PGM5: variants seen among roughly 807,000 people sequenced by gnomAD.
The protein encoded by PGM5 is phosphoglucomutase-like protein 5.
A neutral mutation model predicts 59.2 loss-of-function variants in PGM5; 23 were observed. That is an observed-to-expected ratio of 0.39 (90% CI 0.28 to 0.55). The LOEUF is 0.55. Among genes scored for constraint, PGM5 ranks in the 20% least tolerant of loss-of-function variants. The pLI, the probability that PGM5 is intolerant of heterozygous loss-of-function variation, is 0.66. For synonymous variants in PGM5, 214 were observed against 286.0 expected (o/e 0.75, Z 2.54); for missense variants, 574 against 748.3 (o/e 0.77, Z 2.72).
intron 9 of PGM5, among the ~76,000 whole-genome samples, chr9:68,486,876 T>G (rs943716161): frequency 5.3e-5 from 8 of 152,202 alleles, no homozygotes; most frequent in Non-Finnish European, 1.2e-4. Flanking sequence ...ATTGCACCAC[T>G]TGACATTCCT....
At chr9:68,399,594 G>A (rs1330924756) in intron 6 of PGM5, among the ~76,000 whole-genome samples, 2 of 150,100 alleles carry the variant, frequency 1.3e-5, no homozygotes, top group South Asian at 2.1e-4. Flanking sequence ...AGAAATTTGG[G>A]AGTTTCCTTT....
chr9:68,466,270 G>GTTTTTT, intron 7 of PGM5: 3 of 558,464 alleles, frequency 5.4e-6, no homozygotes, highest in Non-Finnish European at 4.6e-6. Context: ...GATACTGTGT[G>GTTTTTT]TTTTTTTTTT....
At chr9:68,499,922 G>T (rs1824544716) in intron 10 of PGM5, among the ~76,000 whole-genome samples, 1 of 152,170 alleles carries the variant, frequency 6.6e-6, no homozygotes, top group Non-Finnish European at 1.5e-5. Context: ...GGCTAATTAA[G>T]AACTCAGAAA....
intron 2 of PGM5, among the ~76,000 whole-genome samples, chr9:68,383,623 C>T (rs563175351): frequency 2.0e-5 from 3 of 150,044 alleles, no homozygotes; most frequent in Non-Finnish European, 4.4e-5. Context: ...ATACAGAAAG[C>T]TATCTATACA....
chr9:68,363,271 C>T (rs1281467042), intron 1 of PGM5, among the ~76,000 whole-genome samples: 1 of 152,298 alleles, frequency 6.6e-6, no homozygotes, highest in Non-Finnish European at 1.5e-5. Flanking sequence ...CTGTAATCTG[C>T]ATTGTCCCAG....
chr9:68,511,545 CTTTTTTTTTTT>C (rs3064033), intron 10 of PGM5, among the ~76,000 whole-genome samples: 1 of 62,728 alleles, frequency 1.6e-5, no homozygotes, highest in Non-Finnish European at 2.8e-5. Flanking sequence ...TTGTTTTTGC[CTTTTTTTTTTT>C]TTTTTTTTTT....
chr9:68,366,044 T>C (rs1459246154), intron 1 of PGM5, among the ~76,000 whole-genome samples: 2 of 152,058 alleles, frequency 1.3e-5, no homozygotes, highest in Non-Finnish European at 2.9e-5. Flanking sequence ...AAAGATGAAA[T>C]TACCCAGAGT....
chr9:68,484,579 A>AC, intron 9 of PGM5, among the ~76,000 whole-genome samples: 2 of 137,668 alleles, frequency 1.5e-5, no homozygotes, highest in East Asian at 4.0e-4. Context: ...CACACACACA[A>AC]AACAAAACAA....
At chr9:68,512,095 G>A (rs1304166528) in intron 10 of PGM5, among the ~76,000 whole-genome samples, 1 of 152,222 alleles carries the variant, frequency 6.6e-6, no homozygotes, top group African/African-American at 2.4e-5. Context: ...GAGGTAGTGA[G>A]TAGGGGTTGT....
chr9:68,371,141 A>G (rs1352219289), intron 1 of PGM5, among the ~76,000 whole-genome samples: 1 of 152,118 alleles, frequency 6.6e-6, no homozygotes, highest in Non-Finnish European at 1.5e-5. Context: ...TGGCAGTAGC[A>G]TCCACTTGGG....
At chr9:68,471,632 A>AG (rs1302406404) in intron 7 of PGM5, among the ~76,000 whole-genome samples, 16 of 151,770 alleles carry the variant, frequency 1.1e-4, no homozygotes, top group Admixed American at 3.3e-4. Context: ...AAAAAAAAAA[A>AG]AGAGAGACTC....
At chr9:68,421,778 G>A (rs1823134412) in intron 6 of PGM5, among the ~76,000 whole-genome samples, 1 of 151,660 alleles carries the variant, frequency 6.6e-6, no homozygotes, top group African/African-American at 2.4e-5. Flanking sequence ...TTCCTGACTG[G>A]CCCCTGACTG....
At chr9:68,479,577 T>C (rs782689758) in intron 8 of PGM5, 24 bp downstream of exon 8, 2 of 1,610,676 alleles carry the variant, frequency 1.2e-6, no homozygotes, top group Non-Finnish European at 8.5e-7. Context: ...GAAGGGTCTC[T>C]GTATGGACCC....
chr9:68,415,817 T>TCTATCTATCTATCTG (rs1563999521), intron 6 of PGM5, among the ~76,000 whole-genome samples: 1 of 46,030 alleles, frequency 2.2e-5, no homozygotes, highest in East Asian at 6.7e-4. Flanking sequence ...CTATCTATCT[T>TCTATCTATCTATCTG]ATCTATCTAT....
rs543158807 is a variant in PGM5 at position 68,364,570 on chromosome 9, A to G, written c.261+7182A>G. The stretch of plus-strand genomic sequence containing the variant: ...CTATGATCCAGACATTAGGGAGGAC[A>G]GGTTTGTGATACATTAGAAGACTTG... On this transcript the variant is annotated intron_variant, in intron 1 of 10. Coordinates refer to ENST00000396396, the MANE Select transcript of PGM5 (RefSeq NM_021965.4). Among the ~76,000 whole-genome samples the G allele has an allele frequency of 2.0e-5, 3 of 152,344 alleles. No homozygotes were observed. The East Asian group carries it at 5.8e-4, about 29-fold the overall frequency.
chr9:68,461,821 A>G (rs1823863253), intron 6 of PGM5, among the ~76,000 whole-genome samples: 1 of 151,904 alleles, frequency 6.6e-6, no homozygotes, highest in Non-Finnish European at 1.5e-5. Flanking sequence ...TTTATGCTGG[A>G]AAAGCATTTA....
intron 1 of PGM5, among the ~76,000 whole-genome samples, chr9:68,359,793 T>C (rs1834544004): frequency 6.6e-6 from 1 of 152,238 alleles, no homozygotes; most frequent in Non-Finnish European, 1.5e-5. Context: ...CTGAAAAATC[T>C]TGGTTTTGAT....
At chr9:68,403,486 T>C (rs1822720554) in intron 6 of PGM5, among the ~76,000 whole-genome samples, 1 of 152,188 alleles carries the variant, frequency 6.6e-6, no homozygotes, top group South Asian at 2.1e-4. Context: ...ACAAAACCGG[T>C]CCCTGGTGCC....
At chr9:68,523,108 G>C (rs1264770466) in intron 10 of PGM5, among the ~76,000 whole-genome samples, 3 of 152,172 alleles carry the variant, frequency 2.0e-5, no homozygotes, top group African/African-American at 7.2e-5. Context: ...TTTGCCCCAG[G>C]CTCTATTGTA....
Sources: gnomAD v4.1 joint callset for allele counts (sites outside exome capture counted in the v4.1 genomes callset) on GRCh38, gnomAD v4.1.1 for gene constraint, MANE v1.5 for transcripts, NCBI Gene and HGNC (gene_info 2026-07-23, HGNC 2026-07-21) for gene names.